CLASRP: variants seen among roughly 807,000 people sequenced by gnomAD.
The protein encoded by CLASRP is CLK4-associating serine/arginine rich protein.
A neutral mutation model predicts 99.9 loss-of-function variants in CLASRP; 52 were observed. That is an observed-to-expected ratio of 0.52 (90% CI 0.42 to 0.66). The LOEUF (loss-of-function observed/expected upper bound fraction) is 0.66, where lower values mean the gene tolerates loss of function less well. CLASRP is among the 30% of genes least tolerant of loss of function. CLASRP has a pLI of 0.00. For missense variants in CLASRP, 848 were observed against 999.2 expected (o/e 0.85, Z 2.04); for synonymous variants, 379 against 373.0 (o/e 1.02, Z -0.18).
In CLASRP at chr19:45,064,469, CTCCCGG is replaced by C; in HGVS notation, c.1254_1259del (p.Arg420_Ser421del). The C allele has an allele frequency of 2.0e-6, 3 of 1,532,482 alleles. No individual in the cohort carries two copies. The highest frequency in any genetic ancestry group is 2.6e-6 in the Non-Finnish European group (3 of 1,142,870). 94.9% of individuals were successfully genotyped at this position (1,532,482 alleles called of 1,614,324 possible). On this transcript the variant is annotated inframe_deletion, in exon 13 of 21. Transcript: ENST00000221455. ...ACTACCGTTCCGGCCGCCACGCCCG[CTCCCGG>C]TCCCGCTCCTGGTCCCGCTCCCGCT... is the stretch of plus-strand genomic sequence containing the variant.
Position 45,057,792 on chromosome 19 carries a change from C to T in CLASRP, c.507C>T (p.Asp169=), listed in dbSNP as rs770129644. 17 of 1,613,950 alleles carry T rather than the reference C, an allele frequency of 1.1e-5. No homozygotes were observed. The highest frequency in any genetic ancestry group is 8.0e-5 in the African/African-American group (6 of 74,890). ...KKASIGYTYE[D]STVAEVEKAA... ...CTTCCATCGGTTATACCTACGAGGA[C>T]AGCACGGTGGCCGAGGTAGAGAAGG... The change falls in exon 7 of 21, where the codon GAC becomes GAT. Residue 169 remains aspartate, a synonymous_variant. Transcript: ENST00000221455.
chr19:45,059,426 T>G, intron 8 of CLASRP, 62 bp downstream of exon 8: 1 of 1,326,198 alleles, frequency 7.5e-7, no homozygotes, highest in South Asian at 1.3e-5. Flanking sequence ...ATCTCACTAT[T>G]ACTCCCGGTA....
Position 45,069,072 on chromosome 19 carries a change from C to A in CLASRP, c.1775C>A (p.Ala592Glu). ...CTGTTCTTTCTCTCTACAGTCAAGG[C>A]GGATAAGAAGGCGGCACAAGAAAAG... The part of the protein sequence containing the change: ...MQKALNRQFK[A>E]DKKAAQEKMI... The change falls in exon 17 of 21, where the codon GCG becomes GAG. Residue 592 changes from alanine (A) to glutamate (E), a missense_variant. Ala to Glu is a moderately radical substitution (Grantham distance 107). Around this residue, in one of 8 missense-constraint regions of CLASRP, gnomAD observed 116 missense variants for 162.7 expected, o/e 0.71. Transcript: ENST00000221455. 1 of 1,613,474 alleles carries A rather than the reference C, an allele frequency of 6.2e-7. No homozygotes were observed. The highest frequency in any genetic ancestry group is 8.5e-7 in the Non-Finnish European group (1 of 1,179,860).
chr19:45,052,719 G>T, intron 3 of CLASRP, 72 bp from the exon 4 acceptor site: 1 of 1,119,998 alleles, frequency 8.9e-7, no homozygotes, highest in South Asian at 1.3e-5. Context: ...CAGCTGGCAG[G>T]GAGCAGGTGC....
chr19:45,058,781 C>T (rs545786325), intron 7 of CLASRP, among the ~76,000 whole-genome samples: 3 of 152,168 alleles, frequency 2.0e-5, no homozygotes, highest in South Asian at 2.1e-4. Context: ...CTTCCAAACA[C>T]CTGTGACCCA....
At chr19:45,039,364 A>C (rs1019586578) in intron 1 of CLASRP, among the ~76,000 whole-genome samples, 4 of 148,736 alleles carry the variant, frequency 2.7e-5, no homozygotes, top group Admixed American at 2.7e-4. Context: ...GTCAAAAAAA[A>C]AAACAACAAA....
At chr19:45,068,164 C>G (rs1600117287) in intron 15 of CLASRP, 110 bp downstream of exon 15, 2 of 945,846 alleles carry the variant, frequency 2.1e-6, no homozygotes, top group East Asian at 5.0e-5. Context: ...GATCCAGCCC[C>G]AGGGACAGGG....
chr19:45,069,245 T>C lies in CLASRP; in HGVS notation c.1871T>C (p.Met624Thr). Residue 624 changes from methionine (M) to threonine (T), a missense_variant, in exon 18 of 21, where the codon ATG (methionine) becomes ACG (threonine). By Grantham distance (81) the Met-to-Thr change is moderately conservative. Coordinates refer to ENST00000221455, the MANE Select transcript of CLASRP (RefSeq NM_007056.3). ...ELRAMARKIR[M>T]KERERREKER... ...CGAGCCATGGCCCGCAAGATCCGCA[T>C]GAAGTAAGACCTTGCCCCTCCCTGT... is the stretch of plus-strand genomic sequence containing the variant. The C allele has an allele frequency of 6.2e-7, 1 of 1,613,262 alleles. No individual in the cohort carries two copies. Among genetic ancestry groups the C allele is most frequent in the South Asian group, 1.1e-5 (1 of 91,050 alleles).
intron 19 of CLASRP, 30 bp downstream of exon 19, chr19:45,070,134 T>A (rs754040051): frequency 2.4e-5 from 33 of 1,373,642 alleles, no homozygotes; most frequent in Non-Finnish European, 3.3e-5. Flanking sequence ...TGCAGGGCTC[T>A]GGGGCTTTAA....
In CLASRP at chr19:45,060,396, CG is replaced by C. The variant is rs1966912695; in HGVS notation, c.720del (p.Asp242ThrfsTer38). On this transcript the variant is annotated frameshift_variant, in exon 9 of 21. Coordinates refer to ENST00000221455, the MANE Select transcript of CLASRP (RefSeq NM_007056.3). LOFTEE classifies it high-confidence loss of function. The surrounding 1 kb of genome is among the most constrained non-coding windows in gnomAD (Gnocchi z 4.6). ...TCTCACCCACCTCTATAGGATGCTC[CG>C]GAAAGACAAGGAGGAGGCAGAGGCC... Reference protein sequence around the residue: ...MADGDFVRMLRKDKEEAEAIK... With the variant: ...MADGDFVRMLXKDKEEAEAIK... 1 of 1,613,944 alleles carries C rather than the reference CG, an allele frequency of 6.2e-7. No homozygotes were observed. The highest frequency in any genetic ancestry group is 8.5e-7 in the Non-Finnish European group (1 of 1,179,986).
At chr19:45,064,681 C>A (rs770870172) in intron 13 of CLASRP, 51 bp downstream of exon 13, 2 of 1,491,520 alleles carry the variant, frequency 1.3e-6, no homozygotes, top group South Asian at 1.3e-5. Flanking sequence ...GCGCGGTCTC[C>A]GATCCTGGGG....
chr19:45,063,463 T>TTTTTTTTTTTTTTTTTTTTTA, intron 11 of CLASRP, among the ~76,000 whole-genome samples: 1 of 134,006 alleles, frequency 7.5e-6, no homozygotes, highest in South Asian at 2.4e-4. Context: ...TTTTTTTTTT[T>TTTTTTTTTTTTTTTTTTTTTA]GAGACGGAGT....
At chr19:45,051,445 C>G (rs1972021521) in intron 2 of CLASRP, among the ~76,000 whole-genome samples, 1 of 152,090 alleles carries the variant, frequency 6.6e-6, no homozygotes, top group Non-Finnish European at 1.5e-5. Context: ...TCCCAAGTAG[C>G]TGGGATTACA....
chr19:45,062,043 C>G (rs1966950241), intron 10 of CLASRP, 111 bp from the exon 11 acceptor site: 3 of 765,864 alleles, frequency 3.9e-6, no homozygotes, highest in Non-Finnish European at 7.0e-6. Flanking sequence ...GCAGCCCCCT[C>G]ACTGTGCCAG....
At chr19:45,063,470 G>T (rs1232272685) in intron 11 of CLASRP, among the ~76,000 whole-genome samples, 2 of 47,876 alleles carry the variant, frequency 4.2e-5, no homozygotes, top group Non-Finnish European at 9.6e-5. Context: ...TTTTGAGACG[G>T]AGTCTCACTC....
chr19:45,063,746 G>T (rs966956855), intron 11 of CLASRP, among the ~76,000 whole-genome samples: 1 of 152,060 alleles, frequency 6.6e-6, no homozygotes, highest in African/African-American at 2.4e-5. Context: ...CACCGCGCCC[G>T]GCCTGCTCAT....
chr19:45,060,001 C>T lies in CLASRP; in HGVS notation c.711-388C>T, dbSNP rs1376814288. ...CACTCTGTCTGCTGTTCGCTTTGGA[C>T]GTCTGCAGCTTGCTCCCCCAGGTTT... On this transcript the variant is annotated intron_variant, in intron 8 of 20. Coordinates refer to ENST00000221455, the MANE Select transcript of CLASRP (RefSeq NM_007056.3). This position sits in a 1 kb window ranked among gnomAD's most constrained non-coding sequence, Gnocchi z 4.6. 6.6e-5 allele frequency among the ~76,000 whole-genome samples: 10 copies of T among 152,178 alleles called. No homozygotes were observed. The highest frequency in any genetic ancestry group is 1.2e-4 in the Non-Finnish European group (8 of 68,040).
intron 2 of CLASRP, among the ~76,000 whole-genome samples, chr19:45,046,292 C>T (rs1971915116): frequency 6.6e-6 from 1 of 152,166 alleles, no homozygotes; most frequent in Admixed American, 6.5e-5. Context: ...GTCGTTGGTG[C>T]CTGCTTTCTC....
At position 45,053,509 on chromosome 19, in the gene CLASRP, G is replaced by A. The variant is rs191517306; in HGVS notation, c.379+332G>A. Among the ~76,000 whole-genome samples, 443 of 152,088 alleles carry A rather than the reference G, an allele frequency of 2.9e-3. 2 individuals carry two copies. The highest frequency in any genetic ancestry group is 4.4e-3 in the South Asian group (21 of 4,816). ...ATTTATTTATTTGAGGCGGAGTTTC[G>A]TTCTTGTTGCCCAGGCTGGAGTGCA... is the stretch of plus-strand genomic sequence containing the variant. On this transcript the variant is annotated intron_variant, in intron 5 of 20. Coordinates refer to ENST00000221455, the MANE Select transcript of CLASRP (RefSeq NM_007056.3).
Sources: gnomAD v4.1 joint callset for allele counts (sites outside exome capture counted in the v4.1 genomes callset) on GRCh38, gnomAD v4.1.1 for gene constraint, gnomAD v4.1.1 regional missense constraint, Gnocchi (gnomAD v3.1) non-coding constraint, MANE v1.5 for transcripts, NCBI Gene and HGNC (gene_info 2026-07-23, HGNC 2026-07-21) for gene names.